PYDC5: variants seen among roughly 807,000 people sequenced by gnomAD.
PYDC5 encodes the protein pyrin domain containing 5, also known as pyrin domain-containing protein 5.
At chr1:159,001,170 C>T in the PYDC5 span, among the ~76,000 whole-genome samples, 2 of 151,964 alleles carry the variant, frequency 1.3e-5, no homozygotes, top group African/African-American at 4.8e-5. Flanking sequence ...ATTTGTACAG[C>T]CCATGTGAAA....
At chr1:159,001,842 GC>G in the PYDC5 span, among the ~76,000 whole-genome samples, 1 of 152,080 alleles carries the variant, frequency 6.6e-6, no homozygotes, top group African/African-American at 2.4e-5. Context: ...TAAAGTATTT[GC>G]TATAGGGTAA....
At chr1:159,002,080 C>A in the PYDC5 span, among the ~76,000 whole-genome samples, 1 of 152,162 alleles carries the variant, frequency 6.6e-6, no homozygotes, top group African/African-American at 2.4e-5. Context: ...ATTCCTATCT[C>A]CAGGTTGTAA....
At chr1:159,002,559 T>G in the PYDC5 span, among the ~76,000 whole-genome samples, 39 of 152,356 alleles carry the variant, frequency 2.6e-4, no homozygotes, top group African/African-American at 9.1e-4. Flanking sequence ...TACTATTACC[T>G]CATACCATTT....
At chr1:159,002,553 A>G in the PYDC5 span, among the ~76,000 whole-genome samples, 4 of 150,600 alleles carry the variant, frequency 2.7e-5, no homozygotes, top group African/African-American at 7.3e-5. Context: ...TACCGTTACT[A>G]TTACCTCATA....
the PYDC5 span, among the ~76,000 whole-genome samples, chr1:159,002,300 T>A: frequency 6.6e-6 from 1 of 152,100 alleles, no homozygotes; most frequent in South Asian, 2.1e-4. Flanking sequence ...ATGGAATGAT[T>A]CTCTGTTTAA....
chr1:159,000,276 TG>T, the PYDC5 span: 1 of 255,016 alleles, frequency 3.9e-6, no homozygotes, highest in Non-Finnish European at 8.4e-6. Flanking sequence ...TTATCCAGGC[TG>T]GTTAGCAAGA....
At chr1:159,002,735 A>G in the PYDC5 span, among the ~76,000 whole-genome samples, 1 of 152,194 alleles carries the variant, frequency 6.6e-6, no homozygotes, top group Non-Finnish European at 1.5e-5. Context: ...CTGTACTCCT[A>G]CCACCTAGAG....
chr1:159,002,713 T>G, the PYDC5 span, among the ~76,000 whole-genome samples: 1 of 152,254 alleles, frequency 6.6e-6, no homozygotes, highest in Non-Finnish European at 1.5e-5. Flanking sequence ...AGCATTTGTG[T>G]GCTGTTTATT....
the PYDC5 span, among the ~76,000 whole-genome samples, chr1:159,002,384 GT>G: frequency 7.2e-6 from 1 of 139,212 alleles, no homozygotes; most frequent in Non-Finnish European, 1.5e-5. Context: ...ATATATAGTA[GT>G]GTTATAATTG....
the PYDC5 span, among the ~76,000 whole-genome samples, chr1:159,002,433 T>G: frequency 6.6e-6 from 1 of 152,248 alleles, no homozygotes; most frequent in South Asian, 2.1e-4. Flanking sequence ...AATCATTTAT[T>G]TCTTTTCAAC....
the PYDC5 span, among the ~76,000 whole-genome samples, chr1:159,000,757 C>T: frequency 6.6e-6 from 1 of 152,160 alleles, no homozygotes; most frequent in Non-Finnish European, 1.5e-5. Context: ...AAATCTCATG[C>T]TGAAATGTGA....
At chr1:159,002,318 A>T in the PYDC5 span, among the ~76,000 whole-genome samples, 6 of 152,172 alleles carry the variant, frequency 3.9e-5, no homozygotes, top group Non-Finnish European at 8.8e-5. Flanking sequence ...TAAAAAAATT[A>T]AAAAAGAAAG....
the PYDC5 span, among the ~76,000 whole-genome samples, chr1:159,001,039 T>G: frequency 0.012 from 1,751 of 152,248 alleles, 33 homozygotes; most frequent in African/African-American, 0.04. Context: ...TAAATTTGAT[T>G]GCATGTAAAC....
At chr1:159,001,846 T>TTTTAA in the PYDC5 span, among the ~76,000 whole-genome samples, 1 of 152,232 alleles carries the variant, frequency 6.6e-6, no homozygotes, top group African/African-American at 2.4e-5. Flanking sequence ...GTATTTGCTA[T>TTTTAA]AGGGTAAAAT....
chr1:159,000,649 T>G, the PYDC5 span, among the ~76,000 whole-genome samples: 1 of 152,182 alleles, frequency 6.6e-6, no homozygotes, highest in Non-Finnish European at 1.5e-5. Flanking sequence ...CAATTTAAAT[T>G]TTTTGACATG....
At chr1:159,001,963 C>G in the PYDC5 span, among the ~76,000 whole-genome samples, 1 of 152,178 alleles carries the variant, frequency 6.6e-6, no homozygotes, top group Non-Finnish European at 1.5e-5. Flanking sequence ...ATAGCTGACA[C>G]TGGGTAGCAA....
At chr1:159,001,405 T>G in the PYDC5 span, among the ~76,000 whole-genome samples, 20 of 152,222 alleles carry the variant, frequency 1.3e-4, no homozygotes, top group Admixed American at 2.6e-4. Context: ...AATTCTGAGT[T>G]ATTACTTTTA....
the PYDC5 span, among the ~76,000 whole-genome samples, chr1:159,000,634 A>G: frequency 0.044 from 6,685 of 152,240 alleles, 375 homozygotes; most frequent in East Asian, 0.26. Flanking sequence ...CATATTTCAC[A>G]TGTGCAATTT....
At chr1:159,001,901 T>A in the PYDC5 span, among the ~76,000 whole-genome samples, 6,736 of 152,288 alleles carry the variant, frequency 0.044, 396 homozygotes, top group East Asian at 0.26. Flanking sequence ...TGGCTTCATG[T>A]CCCAGGGGTG....
Sources: allele counts gnomAD v4.1 joint callset (sites outside exome capture counted in the v4.1 genomes callset), GRCh38; gene constraint gnomAD v4.1.1; transcripts MANE v1.5; gene names NCBI Gene and HGNC (gene_info 2026-07-23, HGNC 2026-07-21).